MACROD2: variants seen among roughly 807,000 people sequenced by gnomAD.
MACROD2 encodes the protein ADP-ribose glycohydrolase MACROD2.
A neutral mutation model predicts 70.4 loss-of-function variants in MACROD2; 36 were observed. The observed-to-expected ratio is 0.51, with a 90% CI of 0.39 to 0.68. The LOEUF (loss-of-function observed/expected upper bound fraction) is 0.68, where lower values mean the gene tolerates loss of function less well. Among genes scored for constraint, MACROD2 ranks in the 30% least tolerant of loss-of-function variants. The pLI is 0.00. For missense variants in MACROD2, 496 were observed against 538.4 expected (o/e 0.92, Z 0.78); for synonymous variants, 172 against 178.8 (o/e 0.96, Z 0.30).
chr20:14,106,957 A>C (rs1238325757), intron 3 of MACROD2, among the ~76,000 whole-genome samples: 2 of 152,176 alleles, frequency 1.3e-5, no homozygotes, highest in Admixed American at 1.3e-4. Flanking sequence ...TGAAGACTAC[A>C]ATAAATACCT....
At chr20:14,508,174 G>T (rs1473232969) in intron 4 of MACROD2, among the ~76,000 whole-genome samples, 2 of 152,170 alleles carry the variant, frequency 1.3e-5, no homozygotes, top group Admixed American at 6.5e-5. Flanking sequence ...GTTAGGATCA[G>T]TGAAAACAGG....
At chr20:14,376,501 A>G (rs2083371925) in intron 3 of MACROD2, among the ~76,000 whole-genome samples, 1 of 152,064 alleles carries the variant, frequency 6.6e-6, no homozygotes, top group Non-Finnish European at 1.5e-5. Context: ...TAATCCCAGC[A>G]CTTTGGGAGG....
intron 3 of MACROD2, among the ~76,000 whole-genome samples, chr20:14,119,309 C>T (rs371319807): frequency 6.0e-5 from 9 of 150,986 alleles, no homozygotes; most frequent in South Asian, 2.1e-4. Context: ...CTGGGATTAC[C>T]GGCGCCTGCC....
intron 5 of MACROD2, among the ~76,000 whole-genome samples, chr20:15,088,451 A>ATATATAT (rs1448379757): frequency 1.1e-5 from 1 of 88,332 alleles, no homozygotes; most frequent in Non-Finnish European, 2.2e-5. Flanking sequence ...ATATATATAT[A>ATATATAT]ATATTTTGTG....
At chr20:15,817,920 G>C (rs1264432500) in intron 8 of MACROD2, among the ~76,000 whole-genome samples, 1 of 152,178 alleles carries the variant, frequency 6.6e-6, no homozygotes, top group Non-Finnish European at 1.5e-5. Flanking sequence ...TTGAATGCCA[G>C]TTACCTACTG....
At chr20:15,025,376 A>G (rs901343135) in intron 5 of MACROD2, among the ~76,000 whole-genome samples, 1 of 151,842 alleles carries the variant, frequency 6.6e-6, no homozygotes, top group Admixed American at 6.6e-5. Context: ...GGTCTCCTCA[A>G]GTTCCTTGGC....
intron 8 of MACROD2, among the ~76,000 whole-genome samples, chr20:15,744,433 T>C (rs772284683): frequency 6.6e-6 from 1 of 152,212 alleles, no homozygotes; most frequent in African/African-American, 2.4e-5. Context: ...TTGAAGGTAC[T>C]AAGCTTACTG....
chr20:14,026,302 C>T (rs2053164326), intron 2 of MACROD2, among the ~76,000 whole-genome samples: 1 of 152,144 alleles, frequency 6.6e-6, no homozygotes. Context: ...ATCCAATTTG[C>T]CAGTCTGTGT....
At chr20:14,354,960 T>C (rs2083158882) in intron 3 of MACROD2, among the ~76,000 whole-genome samples, 1 of 152,208 alleles carries the variant, frequency 6.6e-6, no homozygotes, top group Non-Finnish European at 1.5e-5. Flanking sequence ...TGCAAAGATA[T>C]GATTTCATTC....
At chr20:15,905,384 G>T (rs1487849384) in intron 10 of MACROD2, among the ~76,000 whole-genome samples, 1 of 152,132 alleles carries the variant, frequency 6.6e-6, no homozygotes, top group African/African-American at 2.4e-5. Flanking sequence ...AACTTTAAAG[G>T]TACCTTTCTT....
At chr20:15,915,996 T>C (rs574547129) in intron 10 of MACROD2, among the ~76,000 whole-genome samples, 2 of 151,918 alleles carry the variant, frequency 1.3e-5, no homozygotes, top group Non-Finnish European at 2.9e-5. Context: ...AGAGGTAAAA[T>C]GTATGAAGAT....
chr20:15,204,142 A>AT (rs1299953555), intron 5 of MACROD2, among the ~76,000 whole-genome samples: 1 of 151,952 alleles, frequency 6.6e-6, no homozygotes, highest in African/African-American at 2.4e-5. Flanking sequence ...CCATTGTCCA[A>AT]TTTTCTCACC....
chr20:14,940,303 C>G (rs2074379361), intron 5 of MACROD2, among the ~76,000 whole-genome samples: 1 of 152,150 alleles, frequency 6.6e-6, no homozygotes, highest in African/African-American at 2.4e-5. Flanking sequence ...CACTGCACTA[C>G]TGCCTGAGCA....
At chr20:15,006,993 A>C (rs572772836) in intron 5 of MACROD2, among the ~76,000 whole-genome samples, 60 of 151,768 alleles carry the variant, frequency 4.0e-4, no homozygotes, top group African/African-American at 1.4e-3. Flanking sequence ...AATTTTGATA[A>C]AAGCCAATTG....
At chr20:14,194,567 G>A (rs2081414765) in intron 3 of MACROD2, among the ~76,000 whole-genome samples, 1 of 152,164 alleles carries the variant, frequency 6.6e-6, no homozygotes, top group Non-Finnish European at 1.5e-5. Flanking sequence ...GGCTAACAGT[G>A]AGGAGGCACA....
intron 5 of MACROD2, among the ~76,000 whole-genome samples, chr20:15,070,404 G>A (rs148548376): frequency 1.4e-4 from 21 of 152,284 alleles, no homozygotes; most frequent in African/African-American, 5.1e-4. Flanking sequence ...ATTTTACAGT[G>A]TGAGAAGGAC....
At chr20:14,757,834 C>A in intron 5 of MACROD2, 1 of 1,525,442 alleles carries the variant, frequency 6.6e-7, no homozygotes, top group South Asian at 1.1e-5. Flanking sequence ...TTGTGCCTGC[C>A]ACTCTATGCC....
chr20:15,868,852 T>A (rs984948946), intron 9 of MACROD2, among the ~76,000 whole-genome samples: 2 of 152,080 alleles, frequency 1.3e-5, no homozygotes, highest in African/African-American at 4.8e-5. Context: ...ATACTGATCA[T>A]AACTCACTGC....
intron 8 of MACROD2, among the ~76,000 whole-genome samples, chr20:15,769,837 TAAGG>T (rs2051592209): frequency 6.6e-6 from 1 of 152,078 alleles, no homozygotes; most frequent in South Asian, 2.1e-4. Context: ...GTGCAAGAAA[TAAGG>T]AAGGTCAGAA....
Sources: gnomAD v4.1 joint callset for allele counts (sites outside exome capture counted in the v4.1 genomes callset) on GRCh38, gnomAD v4.1.1 for gene constraint, MANE v1.5 for transcripts, NCBI Gene and HGNC (gene_info 2026-07-23, HGNC 2026-07-21) for gene names.